Variants in TBL1Y observed in about 807,000 individuals in gnomAD.
The protein encoded by TBL1Y is transducin beta like 1 Y-linked.
A neutral mutation model predicts 12.0 loss-of-function variants in TBL1Y; 15 were observed. The ratio of observed to expected loss-of-function variants is 1.25; its 90% CI spans 0.83 to 1.92. TBL1Y has a LOEUF of 1.92. Ranked by LOEUF, TBL1Y falls within the 40% of genes most tolerant of loss-of-function variation. The pLI is 0.00. For missense variants in TBL1Y, 148 were observed against 116.7 expected (o/e 1.27, Z -1.24); for synonymous variants, 53 against 42.6 (o/e 1.24, Z -0.95).
intron 2 of TBL1Y, among the ~76,000 whole-genome samples, chrY:6,953,245 T>C: frequency 3.0e-5 from 1 of 33,727 alleles, no homozygotes; most frequent in African/African-American, 1.2e-4. Context: ...GTTGGGGAAG[T>C]TCTCCTGGAT....
In TBL1Y at chrY:7,062,367, C is replaced by G. The variant is rs749496151; in HGVS notation, c.205-1530C>G. On this transcript the variant is annotated intron_variant, in intron 7 of 18. Transcript: ENST00000383032. The stretch of plus-strand genomic sequence containing the variant: ...AGATTAGAAGCTGACACATTACATC[C>G]TCGTTTGACCCAAACTTTTGCCAGA... Among the ~76,000 whole-genome samples the G allele has an allele frequency of 2.9e-4, 10 of 34,066 alleles. No individual in the cohort carries two copies. In the East Asian group the frequency reaches 6.2e-3, roughly 21 times the overall value. The allele number at this position is 34,066 out of a possible 37,273, so 91.4% of individuals were successfully genotyped here. A position where few individuals can be genotyped will look rare whatever the true frequency, so the allele number is the denominator to read the frequency against.
At chrY:7,081,321 T>A in intron 14 of TBL1Y, among the ~76,000 whole-genome samples, 1 of 33,375 alleles carries the variant, frequency 3.0e-5, no homozygotes, top group East Asian at 8.2e-4. Flanking sequence ...CAAAACCCTG[T>A]CTCTGCAAAA....
chrY:6,928,520 G>A, intron 2 of TBL1Y, among the ~76,000 whole-genome samples: 1 of 33,557 alleles, frequency 3.0e-5, no homozygotes, highest in Non-Finnish European at 7.4e-5. Flanking sequence ...GGGTGAGCCA[G>A]GCACAGGGCA....
intron 13 of TBL1Y, among the ~76,000 whole-genome samples, chrY:7,077,010 A>C: frequency 3.2e-5 from 1 of 30,824 alleles, no homozygotes; most frequent in Non-Finnish European, 7.8e-5. Context: ...CTGCTGATAC[A>C]GTAGCATGAG....
rs373887534 is a variant in TBL1Y at position 7,085,879 on chromosome Y, A to G, written c.1078-19A>G. The stretch of plus-strand genomic sequence containing the variant: ...CAGGTCCTGATATATTTTTCAAGAG[A>G]CTCTCCGCTCTGTTTCAGAACGAGG... On this transcript the variant is annotated intron_variant, in intron 14 of 18. Transcript: ENST00000383032. 1 of 391,789 alleles carries G rather than the reference A, an allele frequency of 2.6e-6. No individual in the cohort carries two copies. The highest frequency in any genetic ancestry group is 6.6e-5 in the African/African-American group (1 of 15,043).
chrY:7,087,259 C>T lies in TBL1Y; in HGVS notation c.1281-8C>T. 1 of 371,784 alleles carries T rather than the reference C, an allele frequency of 2.7e-6. No homozygotes were observed. The highest frequency in any genetic ancestry group is 3.7e-6 in the Non-Finnish European group (1 of 270,410). 92.7% of individuals were successfully genotyped at this position (371,784 alleles called of 400,897 possible). On this transcript the variant is annotated splice_polypyrimidine_tract_variant and splice_region_variant and intron_variant, in intron 16 of 18. Coordinates refer to ENST00000383032, the MANE Select transcript of TBL1Y (RefSeq NM_033284.2). ...TCTTCAACTCCTGGCTTTCTCCCAT[C>T]CTCCTAGTGCTTCATTTGATTCTAC...
chrY:7,086,144 C>T, intron 15 of TBL1Y, 146 bp from the exon 16 acceptor site: 1 of 262,203 alleles, frequency 3.8e-6, no homozygotes, highest in Non-Finnish European at 5.9e-6. Context: ...AGAATCCCAG[C>T]CTCCCCGCAT....
intron 13 of TBL1Y, among the ~76,000 whole-genome samples, chrY:7,077,917 C>G: frequency 3.0e-5 from 1 of 33,685 alleles, no homozygotes; most frequent in Non-Finnish European, 7.3e-5. Flanking sequence ...CTCCTGTAAT[C>G]TCAGCACTTT....
At chrY:7,024,757 C>T in intron 5 of TBL1Y, among the ~76,000 whole-genome samples, 1 of 32,175 alleles carries the variant, frequency 3.1e-5, no homozygotes, top group Middle Eastern at 0.014. Flanking sequence ...TGGGCAGAAG[C>T]TCATTAGTTT....
intron 8 of TBL1Y, among the ~76,000 whole-genome samples, chrY:7,064,538 G>A (rs893969120): frequency 2.4e-4 from 8 of 33,565 alleles, no homozygotes; most frequent in Non-Finnish European, 4.4e-4. Context: ...GGTTCCTGCC[G>A]AGGGCACTGG....
chrY:7,062,841 C>G (rs2012888050), intron 7 of TBL1Y, among the ~76,000 whole-genome samples: 20 of 33,477 alleles, frequency 6.0e-4, no homozygotes, highest in Admixed American at 8.0e-4. Context: ...TCTTTTTAAC[C>G]TCTAAGCCGC....
chrY:6,922,330 A>T (rs2011785327), intron 2 of TBL1Y, among the ~76,000 whole-genome samples: 1 of 34,151 alleles, frequency 2.9e-5, no homozygotes, highest in Non-Finnish European at 7.3e-5. Context: ...ATCTGGCCCC[A>T]CCCACATCCT....
At chrY:7,045,579 G>A in intron 7 of TBL1Y, among the ~76,000 whole-genome samples, 4 of 33,434 alleles carry the variant, frequency 1.2e-4, no homozygotes, top group Non-Finnish European at 2.9e-4. Flanking sequence ...GCTGGCTTGT[G>A]CCGTAGTTCT....
intron 4 of TBL1Y, among the ~76,000 whole-genome samples, chrY:7,020,718 C>T (rs1049878021): frequency 3.0e-5 from 1 of 33,751 alleles, no homozygotes. Context: ...AAAAATAAAA[C>T]AATTTTTAAT....
intron 4 of TBL1Y, among the ~76,000 whole-genome samples, chrY:7,012,102 G>GA (rs2012522385): frequency 3.0e-5 from 1 of 33,671 alleles, no homozygotes; most frequent in African/African-American, 1.2e-4. Flanking sequence ...ACTTAAGAGT[G>GA]ATGATTTAGA....
chrY:6,968,586 AC>A (rs2012185841), intron 2 of TBL1Y, among the ~76,000 whole-genome samples: 1 of 33,846 alleles, frequency 3.0e-5, no homozygotes, highest in Non-Finnish European at 7.3e-5. Context: ...AACTTTCAGC[AC>A]AACTGTGTGC....
chrY:7,063,088 C>G (rs374474762), intron 7 of TBL1Y, among the ~76,000 whole-genome samples: 1 of 33,067 alleles, frequency 3.0e-5, no homozygotes, highest in Admixed American at 2.7e-4. Context: ...TGATTTTTCA[C>G]CCCTGAGACC....
At chrY:6,932,673 G>A (rs1603026422) in intron 2 of TBL1Y, among the ~76,000 whole-genome samples, 1 of 32,399 alleles carries the variant, frequency 3.1e-5, no homozygotes, top group Non-Finnish European at 7.5e-5. Context: ...GGGTTTCACC[G>A]TATTGGCCAG....
Position 7,090,101 on chromosome Y carries a change from G to A in TBL1Y, c.1459G>A (p.Val487Ile). The change falls in exon 18 of 19, where the codon GTC (valine) becomes ATC (isoleucine). Residue 487 changes from valine (V) to isoleucine (I), a missense_variant. Transcript: ENST00000383032. ...HIWNTQSGSLVHSYQGTGGIF... is the reference protein window; with the variant it reads ...HIWNTQSGSLIHSYQGTGGIF... ...CCTTGCCTTGCAGAGTGGAAGTCTC[G>A]TCCACAGCTACCAAGGCACTGGCGG... The A allele has an allele frequency of 5.1e-6, 2 of 395,795 alleles. No individual in the cohort carries two copies. The highest frequency in any genetic ancestry group is 6.3e-5 in the African/African-American group (1 of 15,752).
Sources: allele counts gnomAD v4.1 joint callset (sites outside exome capture counted in the v4.1 genomes callset), GRCh38; gene constraint gnomAD v4.1.1; transcripts MANE v1.5; gene names NCBI Gene and HGNC (gene_info 2026-07-23, HGNC 2026-07-21).